Variants in BTBD9 observed in about 807,000 individuals in gnomAD.
BTBD9 encodes the protein BTB domain containing 9.
In BTBD9, 49 loss-of-function variants were observed where a neutral mutation model predicts 64.3. The ratio of observed to expected loss-of-function variants is 0.76; its 90% confidence interval spans 0.61 to 0.97. The LOEUF is 0.97. Among genes scored for constraint, BTBD9 ranks in the 50% least tolerant of loss-of-function variants. BTBD9 has a pLI of 0.00. For synonymous variants in BTBD9, 260 were observed against 274.7 expected, an observed-to-expected ratio of 0.95 and a Z score of 0.53; for missense variants, 598 against 762.1, an observed-to-expected ratio of 0.78 and a Z score of 2.53.
At chr6:38,519,984 A>G (rs956220408) in intron 6 of BTBD9, among the ~76,000 whole-genome samples, 1 of 152,242 alleles carries the variant, frequency 6.6e-6, no homozygotes, top group East Asian at 1.9e-4. Context: ...TCATTCAGTA[A>G]AAGAAAAATA....
chr6:38,509,765 A>G (rs1323662028), intron 6 of BTBD9, among the ~76,000 whole-genome samples: 4 of 152,210 alleles, frequency 2.6e-5, no homozygotes, highest in African/African-American at 9.7e-5. Flanking sequence ...TGCCCTGAAC[A>G]CAGCAGCCTC....
At chr6:38,313,747 CTTTT>C (rs765375990) in intron 7 of BTBD9, among the ~76,000 whole-genome samples, 1 of 128,898 alleles carries the variant, frequency 7.8e-6, no homozygotes, top group Non-Finnish European at 1.7e-5. Flanking sequence ...GATGAATTAT[CTTTT>C]TTTTTTTTTT....
intron 6 of BTBD9, among the ~76,000 whole-genome samples, chr6:38,554,608 G>A (rs1444418365): frequency 6.6e-6 from 1 of 152,158 alleles, no homozygotes; most frequent in Non-Finnish European, 1.5e-5. Flanking sequence ...ATACTGTTTG[G>A]AAGTTACCAG....
intron 9 of BTBD9, among the ~76,000 whole-genome samples, chr6:38,194,503 A>G (rs1561857215): frequency 6.6e-6 from 1 of 152,204 alleles, no homozygotes; most frequent in Non-Finnish European, 1.5e-5. Context: ...GAAACTGAGC[A>G]AAGATTTTGT....
At chr6:38,188,793 T>C (rs763713854) in intron 10 of BTBD9, among the ~76,000 whole-genome samples, 7 of 152,120 alleles carry the variant, frequency 4.6e-5, no homozygotes, top group Non-Finnish European at 1.0e-4. Flanking sequence ...CGTGATGGGA[T>C]TGGTGTCCTT....
chr6:38,202,503 C>T (rs768237467), intron 9 of BTBD9, among the ~76,000 whole-genome samples: 5 of 152,128 alleles, frequency 3.3e-5, no homozygotes, highest in Admixed American at 1.3e-4. Context: ...GCTTTGCAGT[C>T]ACTACCTGAC....
chr6:38,366,584 G>A (rs2127601543), intron 6 of BTBD9, among the ~76,000 whole-genome samples: 1 of 152,232 alleles, frequency 6.6e-6, no homozygotes. Flanking sequence ...AAGAATTGTT[G>A]GTTTATGAAT....
intron 6 of BTBD9, among the ~76,000 whole-genome samples, chr6:38,473,793 A>G (rs954867753): frequency 6.6e-6 from 1 of 152,236 alleles, no homozygotes; most frequent in Non-Finnish European, 1.5e-5. Flanking sequence ...CTTGAAAGAA[A>G]AATACTTGGT....
intron 9 of BTBD9, among the ~76,000 whole-genome samples, chr6:38,230,450 G>A (rs1371386680): frequency 3.0e-5 from 4 of 134,588 alleles, no homozygotes; most frequent in East Asian, 2.2e-4. Flanking sequence ...AGCCGAGATC[G>A]TGACATTGCA....
intron 6 of BTBD9, among the ~76,000 whole-genome samples, chr6:38,394,467 G>A (rs1318880699): frequency 6.6e-6 from 1 of 152,186 alleles, no homozygotes; most frequent in African/African-American, 2.4e-5. Flanking sequence ...GCAATATCCA[G>A]AGACAAGTCA....
chr6:38,206,015 C>T (rs1762637222), intron 9 of BTBD9, among the ~76,000 whole-genome samples: 1 of 151,624 alleles, frequency 6.6e-6, no homozygotes, highest in South Asian at 2.1e-4. Context: ...TAAAACAGGC[C>T]CACAGGACAA....
At chr6:38,268,336 G>A (rs1765085414) in intron 8 of BTBD9, among the ~76,000 whole-genome samples, 1 of 152,134 alleles carries the variant, frequency 6.6e-6, no homozygotes, top group Non-Finnish European at 1.5e-5. Context: ...AAGTGCCATG[G>A]CTCCTCCCTG....
At chr6:38,211,944 C>T (rs1478585970) in intron 9 of BTBD9, among the ~76,000 whole-genome samples, 2 of 152,176 alleles carry the variant, frequency 1.3e-5, no homozygotes, top group Non-Finnish European at 1.5e-5. Context: ...GTTGAGTCCA[C>T]CAATTGACTC....
At chr6:38,499,262 G>C (rs1772091569) in intron 6 of BTBD9, among the ~76,000 whole-genome samples, 1 of 152,110 alleles carries the variant, frequency 6.6e-6, no homozygotes, top group Non-Finnish European at 1.5e-5. Context: ...TGCTCACAGG[G>C]ACCGCCCGCT....
intron 9 of BTBD9, among the ~76,000 whole-genome samples, chr6:38,238,477 G>GTT (rs59298777): frequency 1.4e-5 from 2 of 139,086 alleles, no homozygotes; most frequent in African/African-American, 2.7e-5. Flanking sequence ...AAGGTTTTTT[G>GTT]TTTTTTTTTT....
chr6:38,525,251 C>T (rs781559711), intron 6 of BTBD9, among the ~76,000 whole-genome samples: 1 of 152,164 alleles, frequency 6.6e-6, no homozygotes, highest in Non-Finnish European at 1.5e-5. Context: ...GTTTTCCCTG[C>T]TCTTGCTCGC....
At position 38,186,069 on chromosome 6, in the gene BTBD9, T is replaced by C. The variant is rs187704022; in HGVS notation, c.1641+6450A>G. Among the ~76,000 whole-genome samples, 240 of 152,272 alleles carry C rather than the reference T, an allele frequency of 1.6e-3. 1 individual carries two copies. Among genetic ancestry groups the C allele is most frequent in the African/African-American group, 5.4e-3 (225 of 41,556 alleles). On this transcript the variant is annotated intron_variant, in intron 10 of 10. Transcript: ENST00000481247. The stretch of plus-strand genomic sequence containing the variant: ...AGGAGTGGAAGTGAATGCTCAGCCA[T>C]AGGGTGAATGTGTGCATATGCTCCT...
At chr6:38,494,707 C>T (rs1771869391) in intron 6 of BTBD9, among the ~76,000 whole-genome samples, 2 of 152,170 alleles carry the variant, frequency 1.3e-5, no homozygotes, top group South Asian at 2.1e-4. Flanking sequence ...TATTACAACT[C>T]CTATTAAAAT....
At chr6:38,296,793 C>G (rs749986398) in intron 7 of BTBD9, among the ~76,000 whole-genome samples, 50 of 152,056 alleles carry the variant, frequency 3.3e-4, no homozygotes, top group Non-Finnish European at 6.2e-4. Context: ...TTTCAACTTT[C>G]TAAACATCGT....
Sources: allele counts gnomAD v4.1 joint callset (sites outside exome capture counted in the v4.1 genomes callset), GRCh38; gene constraint gnomAD v4.1.1; transcripts MANE v1.5; gene names NCBI Gene and HGNC (gene_info 2026-07-23, HGNC 2026-07-21).